The following DMRT1 variants were observed in gnomAD, a reference collection of about 807,000 sequenced individuals.
DMRT1 encodes doublesex and mab-3 related transcription factor 1.
Under a neutral mutation model 32.3 loss-of-function variants are expected in DMRT1, and 7 were observed. The observed-to-expected ratio is 0.22, with a 90% CI of 0.12 to 0.41. The LOEUF (loss-of-function observed/expected upper bound fraction) is 0.41. DMRT1 is among the 10% of genes least tolerant of loss of function. The probability of loss-of-function intolerance (pLI) is 1.00; values close to 1 mark genes in which losing one functional copy is unlikely to be tolerated. For synonymous variants in DMRT1, 278 were observed against 206.1 expected (o/e 1.35, Z -2.99); for missense variants, 625 against 500.5 (o/e 1.25, Z -2.37).
chr9:968,461 C>A lies in DMRT1; in HGVS notation c.*322C>A. ...GCCATTTGTGTGCCTCTAAATGAGTCATCTAATTAGATGTTACTTTTAGTT... is the reference window on the plus strand; with the variant it reads ...GCCATTTGTGTGCCTCTAAATGAGTAATCTAATTAGATGTTACTTTTAGTT... On this transcript the variant is annotated 3_prime_UTR_variant, in exon 5 of 5. Coordinates refer to ENST00000382276, the MANE Select transcript of DMRT1 (RefSeq NM_021951.3). The A allele has an allele frequency of 3.9e-6, 1 of 254,278 alleles. No individual in the cohort carries two copies. The highest frequency in any genetic ancestry group is 7.7e-6 in the Non-Finnish European group (1 of 130,336). The allele number at this position is 254,278 out of a possible 1,614,324, so 15.8% of individuals were successfully genotyped here.
At chr9:962,405 C>G (rs1819802896) in intron 4 of DMRT1, among the ~76,000 whole-genome samples, 1 of 152,122 alleles carries the variant, frequency 6.6e-6, no homozygotes, top group Non-Finnish European at 1.5e-5. Context: ...TGCTGAGCCC[C>G]TATCAGGGTA....
chr9:919,538 G>A (rs1818289697), intron 4 of DMRT1, among the ~76,000 whole-genome samples: 1 of 152,214 alleles, frequency 6.6e-6, no homozygotes. Flanking sequence ...AAAACGTTAA[G>A]AGGGTAGGTC....
At chr9:893,416 C>T (rs962106226) in intron 2 of DMRT1, among the ~76,000 whole-genome samples, 1 of 152,244 alleles carries the variant, frequency 6.6e-6, no homozygotes, top group East Asian at 1.9e-4. Flanking sequence ...TGCCCCTGGT[C>T]CGCACCTTTG....
Position 945,077 on chromosome 9 carries a change from G to A in DMRT1, c.968-22908G>A, listed in dbSNP as rs564051471. 1.8e-3 allele frequency among the ~76,000 whole-genome samples: 277 copies of A among 152,218 alleles called. 2 individuals carry two copies. The highest frequency in any genetic ancestry group is 6.5e-3 in the African/African-American group (272 of 41,546). On this transcript the variant is annotated intron_variant, in intron 4 of 4. Coordinates refer to ENST00000382276, the MANE Select transcript of DMRT1 (RefSeq NM_021951.3). The stretch of plus-strand genomic sequence containing the variant: ...CACAAATTAGATCCTTTGCAAAATA[G>A]CATTTTCAAAAAGTGAAAATAAAGT...
chr9:950,708 C>G (rs1819401121), intron 4 of DMRT1, among the ~76,000 whole-genome samples: 1 of 152,116 alleles, frequency 6.6e-6, no homozygotes, highest in African/African-American at 2.4e-5. Context: ...ATGAGCCTTC[C>G]TAAGAATTCC....
rs373653167 is a variant in DMRT1 at position 944,760 on chromosome 9, C to G, written c.968-23225C>G. Among the ~76,000 whole-genome samples the G allele has an allele frequency of 6.6e-5, 10 of 152,210 alleles. 1 individual carries two copies. The highest frequency in any genetic ancestry group is 2.4e-4 in the African/African-American group (10 of 41,530). ...ATTCCAAATACTATATTTGTGCACC[C>G]ATTATGATATCAAATGCTTATAATA... On this transcript the variant is annotated intron_variant, in intron 4 of 4. Coordinates refer to ENST00000382276, the MANE Select transcript of DMRT1 (RefSeq NM_021951.3).
intron 2 of DMRT1, among the ~76,000 whole-genome samples, chr9:870,259 C>T (rs375311654): frequency 6.6e-6 from 1 of 152,076 alleles, no homozygotes. Flanking sequence ...ATTAGCTGGG[C>T]GTGGTGACGT....
rs575322058 is a variant in DMRT1 at position 908,184 on chromosome 9, G to A, written c.823-8579G>A. Reference sequence around the variant, plus strand: ...AGGATTGTTGTGGGCTGGGCATGGTGGCTCATGCCTGTAATCCTAGCTCTT... The same window carrying A: ...AGGATTGTTGTGGGCTGGGCATGGTAGCTCATGCCTGTAATCCTAGCTCTT... On this transcript the variant is annotated intron_variant, in intron 3 of 4. Coordinates refer to ENST00000382276, the MANE Select transcript of DMRT1 (RefSeq NM_021951.3). 3.3e-5 allele frequency among the ~76,000 whole-genome samples: 5 copies of A among 152,244 alleles called. No homozygotes were observed. The East Asian group carries it at 9.6e-4, about 29-fold the overall frequency.
chr9:936,892 G>C (rs985969943), intron 4 of DMRT1, among the ~76,000 whole-genome samples: 2 of 152,122 alleles, frequency 1.3e-5, no homozygotes, highest in Non-Finnish European at 2.9e-5. Flanking sequence ...CAATTCAGTA[G>C]CGTTAAATGC....
chr9:929,334 G>A (rs1406187537), intron 4 of DMRT1, among the ~76,000 whole-genome samples: 2 of 151,482 alleles, frequency 1.3e-5, no homozygotes, highest in Middle Eastern at 3.5e-3. Flanking sequence ...ATCTCACTAT[G>A]TTGCCCAGGC....
intron 4 of DMRT1, among the ~76,000 whole-genome samples, chr9:941,335 C>CA (rs1819062854): frequency 8.4e-6 from 1 of 119,610 alleles, no homozygotes; most frequent in Non-Finnish European, 1.6e-5. Context: ...CCCCTCCCCC[C>CA]CCCCACACAT....
At chr9:935,455 A>G (rs538968346) in intron 4 of DMRT1, among the ~76,000 whole-genome samples, 1 of 152,282 alleles carries the variant, frequency 6.6e-6, no homozygotes, top group East Asian at 1.9e-4. Context: ...GCCGGAGGGG[A>G]CAGTTAAGTG....
chr9:927,394 T>A lies in DMRT1; in HGVS notation c.967+10487T>A, dbSNP rs74793969. On this transcript the variant is annotated intron_variant, in intron 4 of 4. Coordinates refer to ENST00000382276, the MANE Select transcript of DMRT1 (RefSeq NM_021951.3). ...CAGTGTGAAATACACCTCGCTGCAA[T>A]GTTTACTGCTTTGAAGCTCGTCAGC... Among the ~76,000 whole-genome samples, 222 of 152,356 alleles carry A rather than the reference T, an allele frequency of 1.5e-3. 2 individuals carry two copies. Among genetic ancestry groups the A allele is most frequent in the African/African-American group, 5.0e-3 (206 of 41,586 alleles).
intron 3 of DMRT1, among the ~76,000 whole-genome samples, chr9:902,225 A>C (rs1461990494): frequency 1.3e-5 from 2 of 151,374 alleles, no homozygotes; most frequent in African/African-American, 4.9e-5. Flanking sequence ...CAACTTTTTA[A>C]AACATAAAGT....
intron 4 of DMRT1, among the ~76,000 whole-genome samples, 179 bp from the exon 5 acceptor site, chr9:967,806 T>C (rs1232001113): frequency 6.6e-6 from 1 of 152,238 alleles, no homozygotes; most frequent in Non-Finnish European, 1.5e-5. Flanking sequence ...TTTTTTATTC[T>C]AAAGAAATGC....
At chr9:853,070 T>C (rs575137094) in intron 2 of DMRT1, among the ~76,000 whole-genome samples, 1 of 152,308 alleles carries the variant, frequency 6.6e-6, no homozygotes, top group Admixed American at 6.5e-5. Context: ...AGATAGTTGT[T>C]TAAATTAAAA....
At chr9:937,250 G>C (rs1389829576) in intron 4 of DMRT1, among the ~76,000 whole-genome samples, 1 of 152,182 alleles carries the variant, frequency 6.6e-6, no homozygotes, top group Non-Finnish European at 1.5e-5. Context: ...TTCTTCTGTT[G>C]ATGGGCACTT....
chr9:852,462 T>G (rs1815192083), intron 2 of DMRT1, among the ~76,000 whole-genome samples: 1 of 151,562 alleles, frequency 6.6e-6, no homozygotes, highest in South Asian at 2.1e-4. Flanking sequence ...TCTTTGTAAA[T>G]GTAGGCTCCT....
chr9:953,486 G>A (rs1220747687), intron 4 of DMRT1, among the ~76,000 whole-genome samples: 1 of 152,120 alleles, frequency 6.6e-6, no homozygotes, highest in African/African-American at 2.4e-5. Context: ...TCTTGCAGTT[G>A]TCAAAGGCCT....
Sources: allele counts gnomAD v4.1 joint callset (sites outside exome capture counted in the v4.1 genomes callset), GRCh38; gene constraint gnomAD v4.1.1; transcripts MANE v1.5; gene names NCBI Gene and HGNC (gene_info 2026-07-23, HGNC 2026-07-21).